The following EYS variants were observed in gnomAD, a reference collection of about 807,000 sequenced individuals.
The protein encoded by EYS is EGF-like photoreceptor maintenance factor.
In EYS, 250 loss-of-function variants were observed where a neutral mutation model predicts 282.1. The observed-to-expected ratio is 0.89, with a 90% CI of 0.80 to 0.98. EYS has a LOEUF of 0.98. Ranked by LOEUF, EYS falls within the 50% of genes least tolerant of loss-of-function variation. The pLI, the probability that EYS is intolerant of heterozygous loss-of-function variation, is 0.00. For synonymous variants in EYS, 1,355 were observed against 1,282.9 expected, an observed-to-expected ratio of 1.06 and a Z score of -1.20; for missense variants, 4,016 against 3,709.0, an observed-to-expected ratio of 1.08 and a Z score of -2.15.
At chr6:64,068,899 A>T (rs1651638236) in intron 32 of EYS, among the ~76,000 whole-genome samples, 1 of 151,706 alleles carries the variant, frequency 6.6e-6, no homozygotes, top group South Asian at 2.1e-4. Flanking sequence ...TGAATTAAGG[A>T]GCTTGAAATG....
intron 18 of EYS, among the ~76,000 whole-genome samples, chr6:64,898,652 G>C (rs1767552605): frequency 6.6e-6 from 1 of 150,888 alleles, no homozygotes; most frequent in African/African-American, 2.4e-5. Flanking sequence ...AAAAGGCACA[G>C]ACTGGCAAAT....
intron 26 of EYS, among the ~76,000 whole-genome samples, chr6:64,564,238 C>T (rs897167808): frequency 6.9e-6 from 1 of 144,424 alleles, no homozygotes; most frequent in Non-Finnish European, 1.5e-5. Flanking sequence ...TTCCTTTTCT[C>T]CATATCCTCA....
At chr6:64,502,169 G>A (rs954511564) in intron 26 of EYS, among the ~76,000 whole-genome samples, 8 of 152,138 alleles carry the variant, frequency 5.3e-5, no homozygotes, top group African/African-American at 1.7e-4. Flanking sequence ...ATACAAGAAA[G>A]AGTGACAAGA....
chr6:64,703,429 A>ATATTTTTTTTTTTTTTTTT (rs869208549), intron 22 of EYS, among the ~76,000 whole-genome samples: 1 of 23,362 alleles, frequency 4.3e-5, no homozygotes, highest in Non-Finnish European at 1.1e-4. Context: ...ATATATATAT[A>ATATTTTTTTTTTTTTTTTT]TTTTTTTTTT....
rs1005440976 is a variant in EYS, at chr6:63,999,128, C to G, written c.6781G>C (p.Asp2261His). The G allele has an allele frequency of 6.4e-7, 1 of 1,551,798 alleles. No individual in the cohort carries two copies. The highest frequency in any genetic ancestry group is 8.7e-7 in the Non-Finnish European group (1 of 1,146,968). Residue 2261 changes from aspartate to histidine, a missense_variant, in exon 34 of 43, where the codon GAT becomes CAT. Asp to His is a moderately conservative substitution (Grantham distance 81, BLOSUM62 -1). Transcript: ENST00000503581. ...GVVCMIEMTA[D>H]GKPPVQKKDT... ...TTCTTCTGTACTGGAGGTTTTCCAT[C>G]TGCAGTCATTTCAATCATACAAACA...
At chr6:64,939,148 A>C (rs1481260995) in intron 15 of EYS, among the ~76,000 whole-genome samples, 2 of 151,838 alleles carry the variant, frequency 1.3e-5, no homozygotes, top group Non-Finnish European at 2.9e-5. Context: ...TCTCTTTACA[A>C]TCTAGAAAAG....
chr6:63,956,381 C>T (rs952200644), intron 35 of EYS, among the ~76,000 whole-genome samples: 1 of 152,084 alleles, frequency 6.6e-6, no homozygotes, highest in African/African-American at 2.4e-5. Flanking sequence ...ATTACCAACC[C>T]AAATCCTGTA....
At chr6:63,980,865 G>C (rs1479872403) in intron 35 of EYS, among the ~76,000 whole-genome samples, 3 of 151,816 alleles carry the variant, frequency 2.0e-5, no homozygotes, top group Non-Finnish European at 2.9e-5. Context: ...TTTATGATAT[G>C]GCAGCAGAAA....
At chr6:65,428,359 G>T (rs1767743882) in intron 5 of EYS, among the ~76,000 whole-genome samples, 1 of 152,024 alleles carries the variant, frequency 6.6e-6, no homozygotes, top group African/African-American at 2.4e-5. Context: ...AATGATAAAA[G>T]GCTAAGTAGT....
At chr6:64,829,255 T>A (rs1389918215) in intron 19 of EYS, among the ~76,000 whole-genome samples, 2 of 152,028 alleles carry the variant, frequency 1.3e-5, no homozygotes, top group African/African-American at 2.4e-5. Flanking sequence ...TCTGTCCTTC[T>A]CTGGCATCAG....
intron 26 of EYS, among the ~76,000 whole-genome samples, chr6:64,574,265 A>G (rs1765813682): frequency 6.6e-6 from 1 of 151,946 alleles, no homozygotes; most frequent in Non-Finnish European, 1.5e-5. Flanking sequence ...ATCACACACC[A>G]GGGCCTATTG....
chr6:64,655,135 C>A (rs191117257), intron 22 of EYS, among the ~76,000 whole-genome samples: 1 of 152,246 alleles, frequency 6.6e-6, no homozygotes, highest in African/African-American at 2.4e-5. Flanking sequence ...TCTTAACCCC[C>A]ACTCCAAGAA....
At chr6:64,526,524 T>C (rs1777925048) in intron 26 of EYS, among the ~76,000 whole-genome samples, 1 of 151,894 alleles carries the variant, frequency 6.6e-6, no homozygotes, top group Admixed American at 6.6e-5. Context: ...AATTGTTACA[T>C]ATTGACCATT....
chr6:64,828,420 T>C (rs1361117539), intron 19 of EYS, among the ~76,000 whole-genome samples: 1 of 151,964 alleles, frequency 6.6e-6, no homozygotes, highest in Non-Finnish European at 1.5e-5. Flanking sequence ...GCTATTTTGC[T>C]GTTTGGAGCA....
At chr6:65,599,041 G>C (rs1449771973) in intron 2 of EYS, among the ~76,000 whole-genome samples, 1 of 151,848 alleles carries the variant, frequency 6.6e-6, no homozygotes, top group Non-Finnish European at 1.5e-5. Flanking sequence ...GTTCAGGACT[G>C]CCCGCATATA....
intron 31 of EYS, among the ~76,000 whole-genome samples, chr6:64,205,225 C>G (rs1358040242): frequency 1.3e-5 from 2 of 152,042 alleles, no homozygotes; most frequent in Non-Finnish European, 2.9e-5. Flanking sequence ...AATTCTATTT[C>G]TTTACAAACT....
intron 12 of EYS, among the ~76,000 whole-genome samples, chr6:65,201,973 G>T (rs555524186): frequency 1.3e-5 from 2 of 152,006 alleles, no homozygotes; most frequent in African/African-American, 4.8e-5. Context: ...TAAGCTGGGC[G>T]TGGTGACGCA....
At position 64,287,545 on chromosome 6, in the gene EYS, C is replaced by A. The variant is rs13213455; in HGVS notation, c.6191+19425G>T. ...ATCTAGCAAGTGGCTATCTAACACA[C>A]AAATTGCCTTGAAAAGTTCTACCCT... On this transcript the variant is annotated intron_variant, in intron 30 of 42. Coordinates refer to ENST00000503581, the MANE Select transcript of EYS (RefSeq NM_001142800.2). 2.9e-3 allele frequency among the ~76,000 whole-genome samples: 445 copies of A among 152,176 alleles called. 3 individuals are homozygous for A. Among genetic ancestry groups the A allele is most frequent in the Middle Eastern group, 6.8e-3 (2 of 294 alleles).
At chr6:64,413,525 A>AAACAACAAC (rs140486442) in intron 28 of EYS, among the ~76,000 whole-genome samples, 21,177 of 146,092 alleles carry the variant, frequency 0.14, 1,769 homozygotes, top group East Asian at 0.22. Context: ...ATTCTTGTCC[A>AAACAACAAC]AACAACAACA....
Sources: gnomAD v4.1 joint callset for allele counts (sites outside exome capture counted in the v4.1 genomes callset) on GRCh38, gnomAD v4.1.1 for gene constraint, MANE v1.5 for transcripts, NCBI Gene and HGNC (gene_info 2026-07-23, HGNC 2026-07-21) for gene names.